Variants in SHISAL1 observed in about 807,000 individuals in gnomAD.
SHISAL1 encodes shisa like 1, also known as protein shisa-like-1.
A neutral mutation model predicts 22.6 loss-of-function variants in SHISAL1; 9 were observed. That is an observed-to-expected ratio of 0.40 (90% CI 0.24 to 0.70). The LOEUF is 0.70. Among genes scored for constraint, SHISAL1 ranks in the 30% least tolerant of loss-of-function variants. The pLI, the probability that SHISAL1 is intolerant of heterozygous loss-of-function variation, is 0.39. For missense variants in SHISAL1, 246 were observed against 270.6 expected (o/e 0.91, Z 0.64); for synonymous variants, 119 against 115.4 (o/e 1.03, Z -0.20).
At chr22:44,262,913 CGCAGACGAAA>C (rs914505642) in intron 4 of SHISAL1, among the ~76,000 whole-genome samples, 1 of 152,094 alleles carries the variant, frequency 6.6e-6, no homozygotes, top group Non-Finnish European at 1.5e-5. Flanking sequence ...TAACCCTTCC[CGCAGACGAAA>C]GCAGAGGAGT....
intron 3 of SHISAL1, among the ~76,000 whole-genome samples, chr22:44,287,233 C>G (rs1276333073): frequency 2.0e-5 from 3 of 152,348 alleles, no homozygotes; most frequent in Middle Eastern, 3.4e-3. Flanking sequence ...TCTTCCCAGG[C>G]TTAGGTCAGC....
chr22:44,274,785 C>T (rs982432776), intron 4 of SHISAL1, among the ~76,000 whole-genome samples: 3 of 152,170 alleles, frequency 2.0e-5, no homozygotes, highest in African/African-American at 7.2e-5. Flanking sequence ...TGTGTGTGAG[C>T]GGGATCCCGA....
intron 4 of SHISAL1, among the ~76,000 whole-genome samples, chr22:44,274,375 C>G (rs2055225360): frequency 6.6e-6 from 1 of 152,124 alleles, no homozygotes; most frequent in African/African-American, 2.4e-5. Flanking sequence ...GGAATCGAGA[C>G]CCATAAAACT....
chr22:44,276,468 G>A (rs1329824835), intron 4 of SHISAL1, among the ~76,000 whole-genome samples: 1 of 151,994 alleles, frequency 6.6e-6, no homozygotes, highest in Non-Finnish European at 1.5e-5. Flanking sequence ...TGCTGCTGTC[G>A]GGGACAAAGG....
chr22:44,264,077 C>T (rs553877380), intron 4 of SHISAL1, among the ~76,000 whole-genome samples: 1 of 152,252 alleles, frequency 6.6e-6, no homozygotes, highest in South Asian at 2.1e-4. Flanking sequence ...CAGTGTGGTG[C>T]GTCCACACAA....
At chr22:44,293,428 G>A (rs2055366399) in intron 3 of SHISAL1, among the ~76,000 whole-genome samples, 1 of 152,168 alleles carries the variant, frequency 6.6e-6, no homozygotes, top group Admixed American at 6.5e-5. Flanking sequence ...TGGGGAGGAG[G>A]TGCACCGGGT....
At chr22:44,262,439 G>A (rs2055131525) in intron 4 of SHISAL1, among the ~76,000 whole-genome samples, 1 of 152,236 alleles carries the variant, frequency 6.6e-6, no homozygotes, top group South Asian at 2.1e-4. Flanking sequence ...TAGGGCTGCA[G>A]GGTACTGATT....
chr22:44,324,145 G>A, the SHISAL1 span, among the ~76,000 whole-genome samples: 3 of 152,112 alleles, frequency 2.0e-5, no homozygotes, highest in African/African-American at 4.8e-5. Flanking sequence ...TACAATCCCC[G>A]CCTCAAATCC....
chr22:44,321,060 G>A, the SHISAL1 span, among the ~76,000 whole-genome samples: 4 of 152,278 alleles, frequency 2.6e-5, no homozygotes, highest in Middle Eastern at 3.4e-3. Flanking sequence ...GAGACTGCAG[G>A]CCTCCAGGGT....
rs183981145 is a variant in SHISAL1, at chr22:44,310,653, T to C, written c.-33+2098A>G. On this transcript the variant is annotated intron_variant, in intron 1 of 4. Transcript: ENST00000381176. The surrounding 1 kb of genome is among the most constrained non-coding windows in gnomAD (Gnocchi z 4.0). ...ACCGTTCTTATCCGATGTTGCCTAC[T>C]CTACTGTTCCCAAAGCTGATGGTTT... 1.3e-5 allele frequency among the ~76,000 whole-genome samples: 2 copies of C among 152,284 alleles called. No homozygotes were observed. The highest frequency in any genetic ancestry group is 4.8e-5 in the African/African-American group (2 of 41,568).
At chr22:44,311,808 G>C (rs2147312613) in intron 1 of SHISAL1, among the ~76,000 whole-genome samples, 1 of 152,352 alleles carries the variant, frequency 6.6e-6, no homozygotes, top group South Asian at 2.1e-4. Flanking sequence ...TAAAGGGAGA[G>C]CTTGGCCGAG....
chr22:44,260,607 C>T (rs1264318959), intron 4 of SHISAL1, among the ~76,000 whole-genome samples: 2 of 152,368 alleles, frequency 1.3e-5, no homozygotes, highest in Non-Finnish European at 2.9e-5. Context: ...CACTCCTTTA[C>T]AAGCCATTCC....
chr22:44,280,064 G>A (rs1314553825), intron 4 of SHISAL1, among the ~76,000 whole-genome samples: 2 of 152,086 alleles, frequency 1.3e-5, no homozygotes, highest in Non-Finnish European at 2.9e-5. Context: ...CTCTCTTCCA[G>A]CCACTCCCCA....
intron 4 of SHISAL1, among the ~76,000 whole-genome samples, chr22:44,279,921 G>A (rs549126159): frequency 6.6e-6 from 1 of 152,342 alleles, no homozygotes; most frequent in East Asian, 1.9e-4. Context: ...ACAAGACCCA[G>A]GGGATTTGGA....
At chr22:44,309,611 T>G (rs1244522054) in intron 1 of SHISAL1, among the ~76,000 whole-genome samples, 1 of 152,146 alleles carries the variant, frequency 6.6e-6, no homozygotes, top group Non-Finnish European at 1.5e-5. Flanking sequence ...TCTGCTCCTG[T>G]GCCCTGTCTC....
At chr22:44,267,481 C>T (rs1166223200) in intron 4 of SHISAL1, among the ~76,000 whole-genome samples, 1 of 152,100 alleles carries the variant, frequency 6.6e-6, no homozygotes, top group African/African-American at 2.4e-5. Context: ...CCCACCACCA[C>T]CCTCAGCCAA....
intron 1 of SHISAL1, among the ~76,000 whole-genome samples, chr22:44,309,810 T>C (rs2055505418): frequency 6.6e-6 from 1 of 152,232 alleles, no homozygotes; most frequent in African/African-American, 2.4e-5. Context: ...ACTTTTGTTT[T>C]CAGGACATCC....
chr22:44,247,609 C>T lies in SHISAL1; in HGVS notation c.*2076G>A, dbSNP rs2055012849. On this transcript the variant is annotated 3_prime_UTR_variant, in exon 5 of 5. Coordinates refer to ENST00000381176, the MANE Select transcript of SHISAL1 (RefSeq NM_001099294.2). ...TGAAGCCAGGGGCCTGGGTCTTCCA[C>T]AGCTGACCTGTGTGATCCTGGGCAA... The T allele has an allele frequency of 6.6e-6, 1 of 152,368 alleles. No individual in the cohort carries two copies. The highest frequency in any genetic ancestry group is 1.5e-5 in the Non-Finnish European group (1 of 68,148). The allele number at this position is 152,368 out of a possible 1,614,324, so 9.4% of individuals were successfully genotyped here.
upstream of SHISAL1, among the ~76,000 whole-genome samples, chr22:44,316,421 G>A (rs1039550759): frequency 3.4e-5 from 5 of 147,350 alleles, no homozygotes; most frequent in Non-Finnish European, 6.0e-5. Flanking sequence ...GGGTGGGGGG[G>A]CAAAGGATTT....
Sources: allele counts gnomAD v4.1 joint callset (sites outside exome capture counted in the v4.1 genomes callset), GRCh38; gene constraint gnomAD v4.1.1; non-coding constraint Gnocchi (gnomAD v3.1); transcripts MANE v1.5; gene names NCBI Gene and HGNC (gene_info 2026-07-23, HGNC 2026-07-21).